Variants in GALNT13 observed in about 807,000 individuals in gnomAD.
The protein encoded by GALNT13 is polypeptide N-acetylgalactosaminyltransferase 13.
In GALNT13, 28 loss-of-function variants were observed where a neutral mutation model predicts 64.2. The observed-to-expected ratio is 0.44, with a 90% confidence interval of 0.32 to 0.60. The LOEUF (loss-of-function observed/expected upper bound fraction) is 0.60. GALNT13 is among the 20% of genes least tolerant of loss of function. The probability of loss-of-function intolerance (pLI) is 0.05; values close to 1 mark genes in which losing one functional copy is unlikely to be tolerated. For synonymous variants in GALNT13, 214 were observed against 224.6 expected, an observed-to-expected ratio of 0.95 and a Z score of 0.42; for missense variants, 577 against 669.8, an observed-to-expected ratio of 0.86 and a Z score of 1.53.
At chr2:153,674,399 A>C in the GALNT13 span, among the ~76,000 whole-genome samples, 3 of 152,224 alleles carry the variant, frequency 2.0e-5, no homozygotes, top group Non-Finnish European at 4.4e-5. Flanking sequence ...ATAATACCAT[A>C]CATCTACAAC....
At chr2:153,915,804 G>GA (rs944149680) in intron 2 of GALNT13, among the ~76,000 whole-genome samples, 45 of 150,440 alleles carry the variant, frequency 3.0e-4, no homozygotes, top group African/African-American at 8.8e-4. Context: ...CAGCAAGAAT[G>GA]AAAAAAAAAT....
intron 3 of GALNT13, among the ~76,000 whole-genome samples, chr2:154,089,330 T>C (rs989142259): frequency 1.1e-4 from 16 of 152,062 alleles, no homozygotes; most frequent in African/African-American, 3.9e-4. Context: ...CATCTGGTCT[T>C]CCTCTTATAG....
chr2:153,932,358 G>A (rs902835565), intron 2 of GALNT13, among the ~76,000 whole-genome samples: 3 of 151,254 alleles, frequency 2.0e-5, no homozygotes, highest in Non-Finnish European at 2.9e-5. Context: ...TGTTTTACTC[G>A]TTCCTTTAGG....
the GALNT13 span, among the ~76,000 whole-genome samples, chr2:153,083,603 G>C: frequency 1.3e-5 from 2 of 151,638 alleles, no homozygotes; most frequent in African/African-American, 4.8e-5. Context: ...TTTTCATGCT[G>C]CTTTGTTTGA....
chr2:154,116,857 A>C (rs1681594621), intron 3 of GALNT13, among the ~76,000 whole-genome samples: 1 of 152,166 alleles, frequency 6.6e-6, no homozygotes, highest in Non-Finnish European at 1.5e-5. Context: ...AATCTGTATT[A>C]GTCAGTGTTC....
intron 2 of GALNT13, among the ~76,000 whole-genome samples, chr2:153,914,980 A>G (rs1382790918): frequency 6.6e-6 from 1 of 151,968 alleles, no homozygotes; most frequent in African/African-American, 2.4e-5. Flanking sequence ...TGTGCCTTAG[A>G]TGTATGGCTC....
chr2:153,803,743 G>A, the GALNT13 span, among the ~76,000 whole-genome samples: 13 of 150,938 alleles, frequency 8.6e-5, no homozygotes, highest in African/African-American at 3.2e-4. Context: ...AACAGAGAGA[G>A]ATTGATCTCT....
At chr2:153,734,760 A>T in the GALNT13 span, among the ~76,000 whole-genome samples, 2 of 152,200 alleles carry the variant, frequency 1.3e-5, no homozygotes, top group Non-Finnish European at 2.9e-5. Context: ...TTTTGAAGTC[A>T]GAAATTATAT....
intron 4 of GALNT13, among the ~76,000 whole-genome samples, chr2:154,224,488 GA>G (rs1159743510): frequency 1.3e-5 from 2 of 151,516 alleles, no homozygotes; most frequent in African/African-American, 4.8e-5. Flanking sequence ...GGAAAGCAAA[GA>G]AAAAAAGCTA....
intron 4 of GALNT13, among the ~76,000 whole-genome samples, chr2:154,198,594 C>T (rs1370487692): frequency 6.6e-6 from 1 of 151,860 alleles, no homozygotes; most frequent in African/African-American, 2.4e-5. Flanking sequence ...CTTTAACTTA[C>T]AGGGAACAAG....
At chr2:153,081,976 A>G in the GALNT13 span, among the ~76,000 whole-genome samples, 1 of 152,160 alleles carries the variant, frequency 6.6e-6, no homozygotes, top group Admixed American at 6.5e-5. Context: ...TTACTAATTT[A>G]CATTCCCACC....
At chr2:153,663,863 A>C in the GALNT13 span, among the ~76,000 whole-genome samples, 1 of 152,214 alleles carries the variant, frequency 6.6e-6, no homozygotes, top group African/African-American at 2.4e-5. Context: ...GTATTAAATT[A>C]GGTGTGATGT....
rs113224273 is a variant in GALNT13 at position 154,418,762 on chromosome 2, T to C, written c.1395+9680T>C. On this transcript the variant is annotated intron_variant, in intron 11 of 12. Transcript: ENST00000392825. The stretch of plus-strand genomic sequence containing the variant: ...AAGAAAATTCTAGAAACAGTATAGC[T>C]CAGAGTTCATAAATAGCCAACTTCT... Among the ~76,000 whole-genome samples, 849 of 152,282 alleles carry C rather than the reference T, an allele frequency of 5.6e-3. 8 individuals carry two copies. Among genetic ancestry groups the C allele is most frequent in the African/African-American group, 0.019 (807 of 41,544 alleles).
the GALNT13 span, among the ~76,000 whole-genome samples, chr2:153,339,407 G>T: frequency 6.6e-6 from 1 of 152,120 alleles, no homozygotes; most frequent in Non-Finnish European, 1.5e-5. Flanking sequence ...GGCCATTTGT[G>T]TGTCTTCTTT....
chr2:153,157,177 C>T, the GALNT13 span, among the ~76,000 whole-genome samples: 3 of 152,016 alleles, frequency 2.0e-5, no homozygotes, highest in African/African-American at 4.8e-5. Flanking sequence ...GTTCCCAATC[C>T]CAAACCTTAT....
intron 3 of GALNT13, among the ~76,000 whole-genome samples, chr2:153,988,054 T>A (rs1694912472): frequency 8.3e-6 from 1 of 121,200 alleles, no homozygotes. Flanking sequence ...GGGTAGGAGG[T>A]GACATATATA....
At chr2:154,435,431 G>T (rs959692647) in intron 11 of GALNT13, among the ~76,000 whole-genome samples, 1 of 152,174 alleles carries the variant, frequency 6.6e-6, no homozygotes, top group South Asian at 2.1e-4. Context: ...AGTGTCTGTG[G>T]AGTAGTGAGA....
chr2:153,295,742 A>G, the GALNT13 span, among the ~76,000 whole-genome samples: 2 of 152,180 alleles, frequency 1.3e-5, no homozygotes, highest in Non-Finnish European at 2.9e-5. Context: ...TCTGTGAGAA[A>G]TGCAGAATCT....
chr2:154,217,163 T>A (rs1255939934), intron 4 of GALNT13, among the ~76,000 whole-genome samples: 1 of 151,966 alleles, frequency 6.6e-6, no homozygotes, highest in Non-Finnish European at 1.5e-5. Flanking sequence ...TTATTGGGGA[T>A]TTAAAAAATA....
Sources: gnomAD v4.1 joint callset for allele counts (sites outside exome capture counted in the v4.1 genomes callset) on GRCh38, gnomAD v4.1.1 for gene constraint, MANE v1.5 for transcripts, NCBI Gene and HGNC (gene_info 2026-07-23, HGNC 2026-07-21) for gene names.